Variants in ANO4 observed in about 807,000 individuals in gnomAD.
The protein encoded by ANO4 is anoctamin-4.
A neutral mutation model predicts 141.9 loss-of-function variants in ANO4; 69 were observed. That is an observed-to-expected ratio of 0.49 (90% CI 0.40 to 0.59). The LOEUF (loss-of-function observed/expected upper bound fraction) is 0.59. Among genes scored for constraint, ANO4 ranks in the 20% least tolerant of loss-of-function variants. ANO4 has a pLI of 0.00. For synonymous variants in ANO4, 350 were observed against 394.3 expected (o/e 0.89, Z 1.33); for missense variants, 894 against 1,162.2 (o/e 0.77, Z 3.36).
intron 7 of ANO4, among the ~76,000 whole-genome samples, chr12:100,981,524 G>T (rs2044463335): frequency 6.6e-6 from 1 of 152,058 alleles, no homozygotes; most frequent in East Asian, 1.9e-4. Flanking sequence ...GAAAAGAAAA[G>T]AAAGCTCATC....
chr12:100,717,936 A>G (rs895765844), intron 1 of ANO4, among the ~76,000 whole-genome samples: 4 of 152,186 alleles, frequency 2.6e-5, no homozygotes, highest in Admixed American at 6.5e-5. Flanking sequence ...ACCTTGGGCA[A>G]GTTATTTAAA....
At chr12:101,064,418 A>G (rs1593169126) in intron 14 of ANO4, among the ~76,000 whole-genome samples, 1 of 152,308 alleles carries the variant, frequency 6.6e-6, no homozygotes, top group East Asian at 1.9e-4. Flanking sequence ...TATGACCCAC[A>G]GTATGATATC....
At chr12:101,028,404 A>G (rs1435605836) in intron 9 of ANO4, among the ~76,000 whole-genome samples, 3 of 152,184 alleles carry the variant, frequency 2.0e-5, no homozygotes, top group Admixed American at 6.5e-5. Context: ...GCATGTTCTA[A>G]CCCAATGCAA....
At chr12:100,916,368 TAA>T (rs557156592) in intron 2 of ANO4, among the ~76,000 whole-genome samples, 1 of 151,256 alleles carries the variant, frequency 6.6e-6, no homozygotes, top group Admixed American at 6.6e-5. Context: ...AATTGTAGAC[TAA>T]AAAAAAATCA....
intron 3 of ANO4, among the ~76,000 whole-genome samples, chr12:100,748,190 G>A (rs1353662483): frequency 6.6e-6 from 1 of 152,164 alleles, no homozygotes; most frequent in East Asian, 1.9e-4. Context: ...CTTAGAAGAG[G>A]TGCCCATTTG....
chr12:100,723,829 A>G (rs916240494), intron 1 of ANO4, among the ~76,000 whole-genome samples: 5 of 152,200 alleles, frequency 3.3e-5, no homozygotes, highest in Admixed American at 2.6e-4. Context: ...GGGCCTTAAC[A>G]TATGAATTTT....
exon 3 of ANO4, chr12:100,739,889 A>T: frequency 2.8e-6 from 2 of 702,516 alleles, no homozygotes; most frequent in Non-Finnish European, 5.2e-6. Context: ...AATTGGGCTT[A>T]CCCACTGGAA....
intron 7 of ANO4, among the ~76,000 whole-genome samples, chr12:100,975,861 G>T (rs2044160724): frequency 7.2e-6 from 1 of 139,726 alleles, no homozygotes; most frequent in Non-Finnish European, 1.5e-5. Flanking sequence ...TCCTATGTTA[G>T]TAATATTTTG....
chr12:100,819,129 CT>C (rs1360523985), intron 1 of ANO4, among the ~76,000 whole-genome samples: 1 of 148,528 alleles, frequency 6.7e-6, no homozygotes, highest in Admixed American at 6.7e-5. Flanking sequence ...TTTTTTTTGT[CT>C]AGTAGGTGTT....
Position 101,040,116 on chromosome 12 carries a change from AATG to A in ANO4, c.1019+43_1019+45del, listed in dbSNP as rs770658320. 19 of 1,571,646 alleles carry A rather than the reference AATG, an allele frequency of 1.2e-5. No individual in the cohort carries two copies. The East Asian group carries it at 4.3e-4, about 36-fold the overall frequency. On this transcript the variant is annotated intron_variant, in intron 11 of 27. Coordinates refer to ENST00000392977, the MANE Select transcript of ANO4 (RefSeq NM_001286615.2). ...AGCTGCAAATATAAAGCTTGCACAG[AATG>A]ATTAGGGCAGACTGTCAGCTGGGAC... is the stretch of plus-strand genomic sequence containing the variant.
intron 1 of ANO4, among the ~76,000 whole-genome samples, chr12:100,843,558 A>G (rs2037393707): frequency 6.6e-6 from 1 of 152,142 alleles, no homozygotes; most frequent in South Asian, 2.1e-4. Flanking sequence ...AATATCAAAC[A>G]AGCACCCTTT....
At chr12:100,918,499 C>A (rs150291137) in intron 2 of ANO4, among the ~76,000 whole-genome samples, 9 of 152,256 alleles carry the variant, frequency 5.9e-5, no homozygotes, top group Non-Finnish European at 1.2e-4. Context: ...TGCAGTCATG[C>A]ACCGCATGAT....
chr12:101,095,168 C>G (rs1411766728), intron 18 of ANO4, among the ~76,000 whole-genome samples: 1 of 152,176 alleles, frequency 6.6e-6, no homozygotes, highest in Admixed American at 6.6e-5. Context: ...TTTTATTCAT[C>G]ATTCTGACAA....
intron 1 of ANO4, among the ~76,000 whole-genome samples, chr12:100,725,497 C>T (rs1362818487): frequency 6.6e-6 from 1 of 152,046 alleles, no homozygotes; most frequent in East Asian, 1.9e-4. Flanking sequence ...CAGGCGCCCA[C>T]CACCACGCCC....
intron 26 of ANO4, among the ~76,000 whole-genome samples, chr12:101,124,527 A>C (rs1440881871): frequency 6.6e-6 from 1 of 152,068 alleles, no homozygotes; most frequent in East Asian, 1.9e-4. Context: ...TGGTGTTTTC[A>C]TCATGAAATT....
chr12:100,883,139 A>G (rs1197342052), intron 1 of ANO4, among the ~76,000 whole-genome samples: 1 of 152,252 alleles, frequency 6.6e-6, no homozygotes. Flanking sequence ...ACAAAAGTCT[A>G]TGAATTTCAG....
chr12:100,776,303 C>G (rs750333061), intron 3 of ANO4, among the ~76,000 whole-genome samples: 37 of 152,140 alleles, frequency 2.4e-4, no homozygotes, highest in Admixed American at 7.2e-4. Context: ...GACTGGATTG[C>G]TTGCTGGAGC....
intron 12 of ANO4, among the ~76,000 whole-genome samples, chr12:101,043,335 G>T (rs1429827212): frequency 6.6e-6 from 1 of 152,196 alleles, no homozygotes; most frequent in African/African-American, 2.4e-5. Context: ...AATACATAAA[G>T]ATAAGGAACA....
At chr12:100,805,183 C>T (rs1230383144) in intron 1 of ANO4, among the ~76,000 whole-genome samples, 1 of 152,172 alleles carries the variant, frequency 6.6e-6, no homozygotes, top group East Asian at 1.9e-4. Flanking sequence ...CCAGTTCTCC[C>T]AGCACCATTT....
Sources: allele counts gnomAD v4.1 joint callset (sites outside exome capture counted in the v4.1 genomes callset), GRCh38; gene constraint gnomAD v4.1.1; transcripts MANE v1.5; gene names NCBI Gene and HGNC (gene_info 2026-07-23, HGNC 2026-07-21).